Variants in CACNG4 observed in about 807,000 individuals in gnomAD.
CACNG4 encodes calcium voltage-gated channel auxiliary subunit gamma 4.
CACNG4 carries 8 observed loss-of-function variants against 22.9 expected under a neutral mutation model. The observed-to-expected ratio is 0.35, with a 90% confidence interval of 0.21 to 0.63. The LOEUF is 0.63. Among genes scored for constraint, CACNG4 ranks in the 30% least tolerant of loss-of-function variants. CACNG4 has a pLI of 0.72. For synonymous variants in CACNG4, 188 were observed against 191.9 expected (o/e 0.98, Z 0.17); for missense variants, 357 against 455.4 (o/e 0.78, Z 1.97).
At chr17:66,995,296 C>T (rs1055677136) in intron 1 of CACNG4, among the ~76,000 whole-genome samples, 1 of 152,134 alleles carries the variant, frequency 6.6e-6, no homozygotes, top group Admixed American at 6.5e-5. Flanking sequence ...ATGTCTGGAT[C>T]CAGACCTCGA....
intron 2 of CACNG4, among the ~76,000 whole-genome samples, chr17:67,019,145 C>T (rs1040003120): frequency 2.0e-5 from 3 of 152,166 alleles, no homozygotes; most frequent in Non-Finnish European, 4.4e-5. Flanking sequence ...GATGGAGAAT[C>T]AATACCAGCA....
At chr17:67,015,762 G>A (rs1369367037) in intron 1 of CACNG4, among the ~76,000 whole-genome samples, 1 of 152,122 alleles carries the variant, frequency 6.6e-6, no homozygotes, top group Non-Finnish European at 1.5e-5. Context: ...ATTGCCACTG[G>A]TCCCACCATG....
At chr17:67,018,591 C>G (rs1462711522) in intron 2 of CACNG4, among the ~76,000 whole-genome samples, 1 of 152,146 alleles carries the variant, frequency 6.6e-6, no homozygotes, top group Non-Finnish European at 1.5e-5. Context: ...CTGGCTGGAG[C>G]TGGGGCTGGA....
chr17:67,004,208 T>C (rs2035424260), intron 1 of CACNG4, among the ~76,000 whole-genome samples: 1 of 152,214 alleles, frequency 6.6e-6, no homozygotes. Context: ...ATCCAGTAGA[T>C]GCAAGGAGAA....
chr17:66,965,637 C>T (rs2035165266), intron 1 of CACNG4, among the ~76,000 whole-genome samples: 1 of 130,700 alleles, frequency 7.7e-6, no homozygotes, highest in African/African-American at 2.9e-5. Flanking sequence ...GGGGCGGGGC[C>T]GGCCGGGGGC....
intron 1 of CACNG4, among the ~76,000 whole-genome samples, chr17:66,997,389 A>T (rs1198188040): frequency 6.6e-6 from 1 of 152,034 alleles, no homozygotes; most frequent in Non-Finnish European, 1.5e-5. Context: ...ATGAGAGTAG[A>T]TGGAGGGTTA....
In CACNG4 at chr17:67,022,135, G is replaced by A. The variant is rs972202822; in HGVS notation, c.305-2725G>A. On this transcript the variant is annotated intron_variant, in intron 2 of 3. Coordinates refer to ENST00000262138, the MANE Select transcript of CACNG4 (RefSeq NM_014405.4). ...CTGCTGCCTAGGCTGGAGTGCAGTG[G>A]CGCGATCTTGGCTCACTGTAACCTC... 3.2e-4 allele frequency among the ~76,000 whole-genome samples: 49 copies of A among 151,074 alleles called. 1 individual carries two copies. The highest frequency in any genetic ancestry group is 4.4e-5 in the Non-Finnish European group (3 of 67,874).
chr17:66,981,914 G>A (rs1180918042), intron 1 of CACNG4, among the ~76,000 whole-genome samples: 4 of 152,038 alleles, frequency 2.6e-5, no homozygotes, highest in Non-Finnish European at 5.9e-5. Context: ...GTATATTATT[G>A]CAGAAAGAGA....
chr17:66,994,543 C>G (rs1224000707), intron 1 of CACNG4, among the ~76,000 whole-genome samples: 1 of 152,138 alleles, frequency 6.6e-6, no homozygotes, highest in Admixed American at 6.5e-5. Context: ...GCCACCCTGG[C>G]CCCCCAGGGG....
At chr17:67,021,300 G>A (rs1490105524) in intron 2 of CACNG4, among the ~76,000 whole-genome samples, 1 of 152,154 alleles carries the variant, frequency 6.6e-6, no homozygotes, top group Non-Finnish European at 1.5e-5. Context: ...GCCTCCGGGT[G>A]GAGAATGGGT....
At chr17:66,975,312 C>T (rs2035229680) in intron 1 of CACNG4, among the ~76,000 whole-genome samples, 1 of 152,164 alleles carries the variant, frequency 6.6e-6, no homozygotes, top group Non-Finnish European at 1.5e-5. Context: ...CTCCCCCTTT[C>T]CTCCCCACCA....
chr17:66,994,033 A>C (rs1011502720), intron 1 of CACNG4, among the ~76,000 whole-genome samples: 53 of 150,672 alleles, frequency 3.5e-4, no homozygotes, highest in South Asian at 6.3e-4. Context: ...AAAAAAAAAA[A>C]CATTTTTTTA....
At chr17:67,008,445 C>T (rs995677498) in intron 1 of CACNG4, among the ~76,000 whole-genome samples, 9 of 152,044 alleles carry the variant, frequency 5.9e-5, no homozygotes, top group Non-Finnish European at 8.8e-5. Flanking sequence ...GGGAGAATTG[C>T]GGGGAGCAGG....
At chr17:66,982,278 G>A (rs2035281297) in intron 1 of CACNG4, among the ~76,000 whole-genome samples, 1 of 151,564 alleles carries the variant, frequency 6.6e-6, no homozygotes, top group Admixed American at 6.5e-5. Flanking sequence ...ACAGCATGCT[G>A]ATTGGTCCAT....
In CACNG4 at chr17:66,967,995, G is replaced by T. The variant is rs369309657; in HGVS notation, c.220+2864G>T. On this transcript the variant is annotated intron_variant, in intron 1 of 3. Transcript: ENST00000262138. ...GTCTCTCCCTTCTGCCTGCCCCTCT[G>T]CTGGAAAGTGTCCAAAATACTCAAG... Among the ~76,000 whole-genome samples, 45 of 152,254 alleles carry T rather than the reference G, an allele frequency of 3.0e-4. 6 individuals carry two copies. Among genetic ancestry groups the T allele is most frequent in the Admixed American group, 2.2e-3 (33 of 15,298 alleles).
rs2035295141 is a variant in CACNG4 at position 66,984,699 on chromosome 17, T to C, written c.220+19568T>C. On this transcript the variant is annotated intron_variant, in intron 1 of 3. Coordinates refer to ENST00000262138, the MANE Select transcript of CACNG4 (RefSeq NM_014405.4). The surrounding 1 kb of genome is among the most constrained non-coding windows in gnomAD (Gnocchi z 4.0). Reference sequence around the variant, plus strand: ...AATGACATGACCTCCCACTTGTTCCTGCCTCGCCATCTGCTTGTGCTGTCT... The same window carrying C: ...AATGACATGACCTCCCACTTGTTCCCGCCTCGCCATCTGCTTGTGCTGTCT... 6.6e-6 allele frequency among the ~76,000 whole-genome samples: 1 copy of C among 152,166 alleles called. No individual in the cohort carries two copies. Among genetic ancestry groups the C allele is most frequent in the Non-Finnish European group, 1.5e-5 (1 of 68,030 alleles).
intron 1 of CACNG4, among the ~76,000 whole-genome samples, chr17:66,987,491 C>G (rs1330709730): frequency 1.3e-5 from 2 of 152,110 alleles, no homozygotes; most frequent in African/African-American, 4.8e-5. Context: ...GTCTTTCAGA[C>G]AGAGGAAATT....
intron 1 of CACNG4, among the ~76,000 whole-genome samples, chr17:66,974,132 G>A (rs1167713369): frequency 2.0e-5 from 3 of 152,162 alleles, no homozygotes; most frequent in African/African-American, 7.2e-5. Context: ...AATCAAGTAG[G>A]AAAATGAGAG....
chr17:67,003,091 C>T (rs2035418068), intron 1 of CACNG4, among the ~76,000 whole-genome samples: 1 of 152,040 alleles, frequency 6.6e-6, no homozygotes, highest in African/African-American at 2.4e-5. Context: ...ATAAGACCAG[C>T]TGACTCTTTG....
Sources: allele counts gnomAD v4.1 joint callset (sites outside exome capture counted in the v4.1 genomes callset), GRCh38; gene constraint gnomAD v4.1.1; non-coding constraint Gnocchi (gnomAD v3.1); transcripts MANE v1.5; gene names NCBI Gene and HGNC (gene_info 2026-07-23, HGNC 2026-07-21).